FBXO7: variants seen among roughly 807,000 people sequenced by gnomAD.
The protein encoded by FBXO7 is F-box protein 7.
FBXO7 carries 31 observed loss-of-function variants against 50.2 expected under a neutral mutation model. That is an observed-to-expected ratio of 0.62 (90% CI 0.46 to 0.83). The LOEUF (loss-of-function observed/expected upper bound fraction) is 0.83, where lower values mean the gene tolerates loss of function less well. Among genes scored for constraint, FBXO7 ranks in the 40% least tolerant of loss-of-function variants. FBXO7 has a pLI of 0.00. For missense variants in FBXO7, 667 were observed against 646.6 expected, an observed-to-expected ratio of 1.03 and a Z score of -0.34; for synonymous variants, 256 against 253.1, an observed-to-expected ratio of 1.01 and a Z score of -0.11.
chr22:32,495,011 T>C (rs2057563474), intron 7 of FBXO7, among the ~76,000 whole-genome samples: 1 of 152,182 alleles, frequency 6.6e-6, no homozygotes, highest in Non-Finnish European at 1.5e-5. Flanking sequence ...CAGGACATCG[T>C]TGGGAGAAAG....
At chr22:32,475,624 C>G in intron 1 of FBXO7, 2 of 549,484 alleles carry the variant, frequency 3.6e-6, no homozygotes, top group Admixed American at 7.8e-5. Context: ...CCGAGGCCAC[C>G]GGTAGCTTGT....
At chr22:32,485,482 A>G (rs896562960) in intron 4 of FBXO7, among the ~76,000 whole-genome samples, 1 of 152,146 alleles carries the variant, frequency 6.6e-6, no homozygotes, top group Admixed American at 6.5e-5. Flanking sequence ...ATAATATTTA[A>G]TATTATCCAA....
At chr22:32,490,828 T>A (rs532399854) in intron 5 of FBXO7, 1 of 442,604 alleles carries the variant, frequency 2.3e-6, no homozygotes, top group African/African-American at 2.0e-5. Flanking sequence ...AAGTCTTTTC[T>A]ACAACTGCAG....
At chr22:32,497,299 T>C (rs2057581598) in intron 8 of FBXO7, among the ~76,000 whole-genome samples, 1 of 152,136 alleles carries the variant, frequency 6.6e-6, no homozygotes. Context: ...CTTTTAGCCG[T>C]CACCTCCCTC....
intron 2 of FBXO7, among the ~76,000 whole-genome samples, chr22:32,480,732 C>G (rs2057459391): frequency 2.6e-5 from 4 of 151,552 alleles, no homozygotes; most frequent in African/African-American, 9.7e-5. Flanking sequence ...TGCAGTGGCA[C>G]AATCTCAGCT....
At chr22:32,475,772 T>A (rs774310335) in intron 1 of FBXO7, 26 of 196,698 alleles carry the variant, frequency 1.3e-4, no homozygotes, top group Non-Finnish European at 2.3e-4. Flanking sequence ...TTTCATTTTC[T>A]TGGGTGAAAT....
At chr22:32,475,171 T>C in intron 1 of FBXO7, 47 bp downstream of exon 1, 5 of 1,528,870 alleles carry the variant, frequency 3.3e-6, no homozygotes, top group Non-Finnish European at 4.4e-6. Context: ...TGGGGAGTGC[T>C]TGGGGTGGGT....
intron 2 of FBXO7, among the ~76,000 whole-genome samples, chr22:32,480,674 C>CTT (rs369355883): frequency 6.9e-6 from 1 of 145,406 alleles, no homozygotes. Flanking sequence ...TTTTTCCCAC[C>CTT]TTTTTTTTTT....
intron 7 of FBXO7, among the ~76,000 whole-genome samples, chr22:32,495,228 C>T (rs916126550): frequency 2.6e-5 from 4 of 152,194 alleles, no homozygotes; most frequent in Admixed American, 1.3e-4. Flanking sequence ...GCCACATGTT[C>T]CTCCATAGTC....
chr22:32,489,340 C>G (rs1422173634), intron 5 of FBXO7: 1 of 152,212 alleles, frequency 6.6e-6, no homozygotes. Flanking sequence ...GTTGGAAATG[C>G]ATAAACTGGA....
In FBXO7 at chr22:32,475,571, A is replaced by G. The variant is rs1306710424; in HGVS notation, c.122+447A>G. On this transcript the variant is annotated intron_variant, in intron 1 of 8. Transcript: ENST00000266087. ...CTTCAGCTGTTGGAGTATTTCAATG[A>G]AAAAGTTTGGAAATTGCTAGAAGTT... 5 of 850,500 alleles carry G rather than the reference A, an allele frequency of 5.9e-6. No homozygotes were observed. The Admixed American group carries it at 1.1e-4, about 19-fold the overall frequency. 52.7% of individuals were successfully genotyped at this position (850,500 alleles called of 1,614,324 possible).
At chr22:32,490,386 T>G (rs1470807131) in intron 5 of FBXO7, 1 of 152,262 alleles carries the variant, frequency 6.6e-6, no homozygotes, top group Middle Eastern at 3.2e-3. Flanking sequence ...CCTGGGGATC[T>G]TATTAAAATA....
At chr22:32,494,107 TAAA>T (rs130725) in intron 7 of FBXO7, among the ~76,000 whole-genome samples, 11 of 120,812 alleles carry the variant, frequency 9.1e-5, no homozygotes, top group Middle Eastern at 4.5e-3. Flanking sequence ...ATAGCTCCCT[TAAA>T]AAAAAAAAAA....
intron 7 of FBXO7, among the ~76,000 whole-genome samples, chr22:32,494,544 CAA>C (rs1181956600): frequency 1.3e-5 from 2 of 151,652 alleles, no homozygotes; most frequent in Admixed American, 6.6e-5. Flanking sequence ...TTAGTGGAGA[CAA>C]AGTCTTGCAG....
At chr22:32,475,253 G>T in intron 1 of FBXO7, 129 bp downstream of exon 1, 1 of 1,544,816 alleles carries the variant, frequency 6.5e-7, no homozygotes. Flanking sequence ...GTGCGGGGAC[G>T]CCGGGGGGGC....
At chr22:32,475,875 G>A (rs981486124) in intron 1 of FBXO7, 2 of 153,940 alleles carry the variant, frequency 1.3e-5, no homozygotes, top group African/African-American at 4.8e-5. Flanking sequence ...TTCTGTTATT[G>A]GTTTGTGGGA....
At chr22:32,490,882 T>C in intron 5 of FBXO7, 3 of 532,066 alleles carry the variant, frequency 5.6e-6, no homozygotes, top group Non-Finnish European at 3.4e-6. Context: ...TAATTTGATA[T>C]CATGGAATTT....
chr22:32,485,414 A>G (rs539105112), intron 4 of FBXO7, among the ~76,000 whole-genome samples: 1 of 152,266 alleles, frequency 6.6e-6, no homozygotes, highest in East Asian at 1.9e-4. Context: ...AGCACCCTTC[A>G]TTCTTAGGGC....
chr22:32,480,479 G>GGTGACTACTTTT (rs745840348), intron 2 of FBXO7, among the ~76,000 whole-genome samples: 4 of 150,818 alleles, frequency 2.7e-5, no homozygotes, highest in Non-Finnish European at 5.9e-5. Context: ...CACACAACCT[G>GGTGACTACTTTT]GTGACTACTT....
Sources: allele counts gnomAD v4.1 joint callset (sites outside exome capture counted in the v4.1 genomes callset), GRCh38; gene constraint gnomAD v4.1.1; transcripts MANE v1.5; gene names NCBI Gene and HGNC (gene_info 2026-07-23, HGNC 2026-07-21).